GRID1: variants seen among roughly 807,000 people sequenced by gnomAD.
The protein encoded by GRID1 is glutamate receptor ionotropic, delta-1.
Under a neutral mutation model 98.0 loss-of-function variants are expected in GRID1, and 28 were observed. The observed-to-expected ratio is 0.29, with a 90% confidence interval of 0.21 to 0.39. The LOEUF (loss-of-function observed/expected upper bound fraction) is 0.39. Among genes scored for constraint, GRID1 ranks in the 10% least tolerant of loss-of-function variants. GRID1 has a pLI of 1.00. For missense variants in GRID1, 1,111 were observed against 1,340.5 expected (o/e 0.83, Z 2.67); for synonymous variants, 553 against 538.5 (o/e 1.03, Z -0.37).
At chr10:85,680,218 CCCT>C (rs1187559307) in intron 12 of GRID1, among the ~76,000 whole-genome samples, 1 of 152,128 alleles carries the variant, frequency 6.6e-6, no homozygotes, top group African/African-American at 2.4e-5. Flanking sequence ...ACACCCTTTG[CCCT>C]CCTCCTCTTT....
At chr10:85,785,995 C>T (rs543636988) in intron 8 of GRID1, among the ~76,000 whole-genome samples, 11 of 152,092 alleles carry the variant, frequency 7.2e-5, no homozygotes, top group East Asian at 5.8e-4. Context: ...GACACACACA[C>T]GTACACATAC....
chr10:86,294,062 A>G (rs1847553165), intron 2 of GRID1, among the ~76,000 whole-genome samples: 3 of 152,242 alleles, frequency 2.0e-5, no homozygotes, highest in Non-Finnish European at 4.4e-5. Context: ...AAATCGAGGC[A>G]GAGGATCAGG....
intron 8 of GRID1, among the ~76,000 whole-genome samples, chr10:85,755,392 C>T (rs1279172244): frequency 6.6e-6 from 1 of 152,198 alleles, no homozygotes; most frequent in African/African-American, 2.4e-5. Flanking sequence ...GGTTTCCGTC[C>T]TTGGTTCTTC....
At chr10:86,163,459 A>G (rs1564694131) in intron 3 of GRID1, among the ~76,000 whole-genome samples, 1 of 151,186 alleles carries the variant, frequency 6.6e-6, no homozygotes, top group Non-Finnish European at 1.5e-5. Context: ...CATGTGCACA[A>G]TGTGCAGGTT....
chr10:85,857,433 A>C (rs1843122807), intron 6 of GRID1, among the ~76,000 whole-genome samples: 1 of 151,624 alleles, frequency 6.6e-6, no homozygotes, highest in South Asian at 2.1e-4. Flanking sequence ...AATGGCACCC[A>C]CCCTCCCAGG....
chr10:85,673,474 A>G (rs1362375447), intron 12 of GRID1, among the ~76,000 whole-genome samples: 1 of 152,130 alleles, frequency 6.6e-6, no homozygotes, highest in Non-Finnish European at 1.5e-5. Flanking sequence ...TTGATGTGGC[A>G]AGTTTCACTG....
intron 4 of GRID1, among the ~76,000 whole-genome samples, chr10:86,105,616 C>T (rs1363406645): frequency 1.3e-5 from 2 of 152,186 alleles, no homozygotes; most frequent in Admixed American, 6.5e-5. Context: ...CCGGGGCACA[C>T]GGAGCCTTCA....
rs1221255680 is a variant in GRID1 at position 86,364,107 on chromosome 10, G to A, written c.80-11C>T. 7 of 1,612,344 alleles carry A rather than the reference G, an allele frequency of 4.3e-6. No homozygotes were observed. The highest frequency in any genetic ancestry group is 2.2e-5 in the East Asian group (1 of 44,834). ...CCTCGAAGATGGCACCTGGAGGAGA[G>A]AAGGGATCAAGACCGGACCTGGACA... On this transcript the variant is annotated splice_polypyrimidine_tract_variant and intron_variant, in intron 1 of 15. Coordinates refer to ENST00000327946, the MANE Select transcript of GRID1 (RefSeq NM_017551.3).
At chr10:86,019,862 C>T (rs1303495666) in intron 4 of GRID1, among the ~76,000 whole-genome samples, 1 of 152,242 alleles carries the variant, frequency 6.6e-6, no homozygotes, top group Non-Finnish European at 1.5e-5. Flanking sequence ...GAGGAGCACA[C>T]TGATGGCAGC....
chr10:86,148,959 T>C (rs1324224463), intron 3 of GRID1, among the ~76,000 whole-genome samples: 1 of 152,078 alleles, frequency 6.6e-6, no homozygotes, highest in African/African-American at 2.4e-5. Context: ...TAGGAGACCT[T>C]AGATCCTTCA....
intron 8 of GRID1, among the ~76,000 whole-genome samples, chr10:85,732,760 T>C (rs953316390): frequency 6.6e-6 from 1 of 152,190 alleles, no homozygotes; most frequent in Non-Finnish European, 1.5e-5. Context: ...AATGAATTCC[T>C]TTTTCTTACA....
intron 8 of GRID1, among the ~76,000 whole-genome samples, chr10:85,755,696 C>T (rs112808055): frequency 0.012 from 1,766 of 152,280 alleles, 32 homozygotes; most frequent in African/African-American, 0.04. Context: ...TCCGCTCGGG[C>T]ACCCCTGGGC....
At chr10:85,730,432 T>C (rs1841809912) in intron 8 of GRID1, among the ~76,000 whole-genome samples, 1 of 152,092 alleles carries the variant, frequency 6.6e-6, no homozygotes, top group Non-Finnish European at 1.5e-5. Context: ...CATAACAAAA[T>C]GCAGATACCC....
At chr10:85,978,945 C>A (rs1462439529) in intron 4 of GRID1, among the ~76,000 whole-genome samples, 1 of 152,186 alleles carries the variant, frequency 6.6e-6, no homozygotes, top group Non-Finnish European at 1.5e-5. Flanking sequence ...AAGTGTCTTG[C>A]CCAGTTCACA....
intron 8 of GRID1, among the ~76,000 whole-genome samples, chr10:85,825,633 G>C (rs1842812656): frequency 6.6e-6 from 1 of 152,168 alleles, no homozygotes; most frequent in South Asian, 2.1e-4. Context: ...AAATGTATTA[G>C]TTAATCTCTA....
rs529817464 is a variant in GRID1, at chr10:86,030,744, C to T, written c.726+108075G>A. Among the ~76,000 whole-genome samples the T allele has an allele frequency of 2.0e-5, 3 of 152,238 alleles. No individual in the cohort carries two copies. In the South Asian group the frequency reaches 6.2e-4, roughly 32 times the overall value. On this transcript the variant is annotated intron_variant, in intron 4 of 15. Coordinates refer to ENST00000327946, the MANE Select transcript of GRID1 (RefSeq NM_017551.3). ...GGCAGATAGTAAGGGTATGGGAGTC[C>T]TCAGTAAGGCTTTCCTTTTGAATGA... is the stretch of plus-strand genomic sequence containing the variant.
intron 3 of GRID1, among the ~76,000 whole-genome samples, chr10:86,200,877 A>C (rs1337635371): frequency 6.6e-6 from 1 of 152,228 alleles, no homozygotes; most frequent in East Asian, 1.9e-4. Context: ...AATCAAAATA[A>C]AATTACATTT....
chr10:85,706,843 C>G (rs1290512488), intron 12 of GRID1, among the ~76,000 whole-genome samples: 4 of 152,098 alleles, frequency 2.6e-5, no homozygotes, highest in South Asian at 2.1e-4. Context: ...ACAAACCTGA[C>G]AAAAACAAGT....
chr10:86,062,895 A>G (rs1225049050), intron 4 of GRID1, among the ~76,000 whole-genome samples: 1 of 152,158 alleles, frequency 6.6e-6, no homozygotes, highest in Non-Finnish European at 1.5e-5. Flanking sequence ...GCTTTCCCTC[A>G]CTATCGCTCA....
Sources: gnomAD v4.1 joint callset for allele counts (sites outside exome capture counted in the v4.1 genomes callset) on GRCh38, gnomAD v4.1.1 for gene constraint, MANE v1.5 for transcripts, NCBI Gene and HGNC (gene_info 2026-07-23, HGNC 2026-07-21) for gene names.